The following HS2ST1 variants were observed in gnomAD, a reference collection of about 807,000 sequenced individuals.
HS2ST1 encodes the protein 2-O-sulfotransferase.
A neutral mutation model predicts 42.9 loss-of-function variants in HS2ST1; 18 were observed. That is an observed-to-expected ratio of 0.42 (90% confidence interval 0.29 to 0.62). The LOEUF is 0.62. Ranked by LOEUF, HS2ST1 falls within the 20% of genes least tolerant of loss-of-function variation. The pLI is 0.21. For synonymous variants in HS2ST1, 146 were observed against 152.9 expected, an observed-to-expected ratio of 0.95 and a Z score of 0.33; for missense variants, 334 against 433.8, an observed-to-expected ratio of 0.77 and a Z score of 2.04.
At chr1:87,036,315 C>G (rs1650374778) in intron 1 of HS2ST1, among the ~76,000 whole-genome samples, 1 of 152,070 alleles carries the variant, frequency 6.6e-6, no homozygotes, top group Non-Finnish European at 1.5e-5. Context: ...GGGTATATAC[C>G]CAGTAATGGG....
At chr1:87,053,275 T>TAAAGATAAA in intron 1 of HS2ST1, among the ~76,000 whole-genome samples, 1 of 152,320 alleles carries the variant, frequency 6.6e-6, no homozygotes, top group Admixed American at 6.5e-5. Context: ...TTCTTGATTT[T>TAAAGATAAA]GAAAATGCTT....
intron 1 of HS2ST1, chr1:86,932,537 AG>A (rs1157706810): frequency 6.6e-6 from 1 of 152,194 alleles, no homozygotes; most frequent in Non-Finnish European, 1.5e-5. Flanking sequence ...CTTTGATTTT[AG>A]GCTAGGGTCA....
intron 1 of HS2ST1, among the ~76,000 whole-genome samples, chr1:86,986,743 A>T (rs1290612045): frequency 1.3e-5 from 2 of 152,116 alleles, no homozygotes; most frequent in Non-Finnish European, 2.9e-5. Context: ...AAGGCAAGAA[A>T]ATGGATTCTC....
intron 1 of HS2ST1, among the ~76,000 whole-genome samples, chr1:86,951,433 T>A (rs1647511609): frequency 1.3e-5 from 2 of 152,254 alleles, no homozygotes. Flanking sequence ...GACTTCTCAG[T>A]GCATGTAAAA....
chr1:87,006,864 G>A (rs190190547), intron 1 of HS2ST1, among the ~76,000 whole-genome samples: 23 of 152,200 alleles, frequency 1.5e-4, no homozygotes, highest in Admixed American at 6.5e-4. Context: ...GAGTTAGAGC[G>A]ATAAGGACAA....
chr1:86,968,783 T>A (rs1260099627), intron 1 of HS2ST1, among the ~76,000 whole-genome samples: 7 of 148,070 alleles, frequency 4.7e-5, no homozygotes, highest in Non-Finnish European at 1.0e-4. Context: ...ATCATTTGTT[T>A]AAAAAAAAAA....
intron 1 of HS2ST1, among the ~76,000 whole-genome samples, chr1:87,028,205 C>A (rs1570496074): frequency 6.6e-6 from 1 of 152,190 alleles, no homozygotes; most frequent in Non-Finnish European, 1.5e-5. Flanking sequence ...GTCAGGAGAA[C>A]TCCAAACTGA....
At chr1:87,008,649 A>G (rs1048127166) in intron 1 of HS2ST1, among the ~76,000 whole-genome samples, 2 of 152,228 alleles carry the variant, frequency 1.3e-5, no homozygotes, top group Non-Finnish European at 2.9e-5. Context: ...TAAATTTATT[A>G]GGAAACAATG....
intron 1 of HS2ST1, among the ~76,000 whole-genome samples, chr1:86,984,029 GGCTCCA>G (rs1648683427): frequency 7.4e-6 from 1 of 134,462 alleles, no homozygotes; most frequent in Non-Finnish European, 1.6e-5. Flanking sequence ...GACAGAGCAA[GGCTCCA>G]TCTCAAAAAA....
chr1:86,996,126 C>G (rs539113641), intron 1 of HS2ST1, among the ~76,000 whole-genome samples: 4 of 151,696 alleles, frequency 2.6e-5, no homozygotes, highest in Non-Finnish European at 5.9e-5. Context: ...AAAAGGAAAA[C>G]GAAATGGAAA....
chr1:87,067,532 G>A (rs931335257), intron 1 of HS2ST1, among the ~76,000 whole-genome samples: 19 of 152,146 alleles, frequency 1.2e-4, no homozygotes, highest in Non-Finnish European at 2.4e-4. Flanking sequence ...TGTTCACTCT[G>A]ATGATAGTTT....
At chr1:86,934,374 G>A (rs1242699751) in intron 1 of HS2ST1, 1 of 152,192 alleles carries the variant, frequency 6.6e-6, no homozygotes, top group African/African-American at 2.4e-5. Flanking sequence ...GCACCTGGAG[G>A]TAAAACTCAG....
chr1:87,018,870 T>A (rs952235647), intron 1 of HS2ST1, among the ~76,000 whole-genome samples: 5 of 152,238 alleles, frequency 3.3e-5, no homozygotes, highest in Non-Finnish European at 7.3e-5. Flanking sequence ...ATTCTTTATG[T>A]TGAATTTTCC....
At chr1:86,931,731 C>G (rs974753517) in intron 1 of HS2ST1, among the ~76,000 whole-genome samples, 7 of 151,832 alleles carry the variant, frequency 4.6e-5, no homozygotes, top group Non-Finnish European at 8.8e-5. Flanking sequence ...AGTGTGGAAC[C>G]TTATATAATG....
chr1:87,104,619 G>A lies in HS2ST1; in HGVS notation c.994G>A (p.Val332Ile), dbSNP rs768215826. ...EQFQFIRAHA[V>I]REKDGDLYIL... ...GTTCCAATTCATCAGAGCCCATGCC[G>A]TTCGAGAAAAAGATGGAGACCTCTA... The change falls in exon 7 of 7, where the codon GTT becomes ATT. Residue 332 changes from valine (V) to isoleucine (I), a missense_variant. By Grantham distance (29) the Val-to-Ile change is conservative. Transcript: ENST00000370550. 31 of 1,613,448 alleles carry A rather than the reference G, an allele frequency of 1.9e-5. No homozygotes were observed. Among genetic ancestry groups the A allele is most frequent in the Non-Finnish European group, 2.5e-5 (30 of 1,179,564 alleles).
At chr1:87,091,679 AAAC>A (rs1158482925) in intron 3 of HS2ST1, among the ~76,000 whole-genome samples, 1 of 50,924 alleles carries the variant, frequency 2.0e-5, no homozygotes, top group Non-Finnish European at 4.4e-5. Context: ...AAAGCTTACA[AAAC>A]AAATCAAAAT....
At position 86,915,017 on chromosome 1, in the gene HS2ST1, G is replaced by C. The variant is rs748009589; in HGVS notation, c.-20G>C. 9 of 1,613,776 alleles carry C rather than the reference G, an allele frequency of 5.6e-6. No individual in the cohort carries two copies. Among genetic ancestry groups the C allele is most frequent in the South Asian group, 5.5e-5 (5 of 91,072 alleles). On this transcript the variant is annotated 5_prime_UTR_variant, in exon 1 of 7. An upstream open reading frame in the 5' UTR loses its in-frame stop. Transcript: ENST00000370550. ...CTCCCCGCCCCCCGCGGTATGTCTT[G>C]ATCCCGAGCAGCGGGTTTCATGGGG...
intron 1 of HS2ST1, among the ~76,000 whole-genome samples, chr1:86,974,452 CTG>C (rs1157461664): frequency 1.3e-5 from 2 of 152,138 alleles, no homozygotes; most frequent in Admixed American, 1.3e-4. Context: ...TTATAATAAA[CTG>C]GTAAATGTAA....
At chr1:86,952,412 G>C in intron 1 of HS2ST1, among the ~76,000 whole-genome samples, 1 of 151,880 alleles carries the variant, frequency 6.6e-6, no homozygotes, top group Non-Finnish European at 1.5e-5. Context: ...AAATTTTTAT[G>C]TTTTTAGTAG....
Sources: allele counts gnomAD v4.1 joint callset (sites outside exome capture counted in the v4.1 genomes callset), GRCh38; gene constraint gnomAD v4.1.1; transcripts MANE v1.5; gene names NCBI Gene and HGNC (gene_info 2026-07-23, HGNC 2026-07-21).